The following RAB40C variants were observed in gnomAD, a reference collection of about 807,000 sequenced individuals.
RAB40C encodes RAB40C, member RAS oncogene family.
RAB40C carries 8 observed loss-of-function variants against 28.1 expected under a neutral mutation model. The ratio of observed to expected loss-of-function variants is 0.28; its 90% CI spans 0.17 to 0.51. RAB40C has a LOEUF of 0.51. RAB40C is among the 20% of genes least tolerant of loss of function. The pLI, the probability that RAB40C is intolerant of heterozygous loss-of-function variation, is 0.97. For missense variants in RAB40C, 288 were observed against 405.9 expected (o/e 0.71, Z 2.50); for synonymous variants, 201 against 171.7 (o/e 1.17, Z -1.34).
intron 1 of RAB40C, among the ~76,000 whole-genome samples, chr16:615,812 ATTAG>A (rs2036573978): frequency 6.6e-6 from 1 of 152,080 alleles, no homozygotes; most frequent in South Asian, 2.1e-4. Context: ...AATTATAAAA[ATTAG>A]CCGGCTGTGG....
At chr16:604,389 C>G (rs1289113285) in intron 1 of RAB40C, among the ~76,000 whole-genome samples, 2 of 152,066 alleles carry the variant, frequency 1.3e-5, no homozygotes, top group African/African-American at 4.8e-5. Flanking sequence ...CACGTGAATC[C>G]TTCTGAAGGT....
intron 1 of RAB40C, among the ~76,000 whole-genome samples, chr16:595,370 T>C (rs920438267): frequency 6.6e-6 from 1 of 152,196 alleles, no homozygotes; most frequent in Non-Finnish European, 1.5e-5. Context: ...GGAGCCGCCC[T>C]GCAGGCCTCC....
intron 1 of RAB40C, among the ~76,000 whole-genome samples, chr16:615,564 T>C (rs948440632): frequency 6.6e-6 from 1 of 152,232 alleles, no homozygotes; most frequent in African/African-American, 2.4e-5. Context: ...GCCCAGAGCC[T>C]GTTTAAGATG....
At chr16:604,491 CCTT>C (rs36060490) in intron 1 of RAB40C, among the ~76,000 whole-genome samples, 19,238 of 151,306 alleles carry the variant, frequency 0.13, 1,718 homozygotes, top group South Asian at 0.24. Flanking sequence ...ACACGTGAGT[CCTT>C]CTGAGGGTGT....
At chr16:598,712 G>A (rs1359285680) in intron 1 of RAB40C, among the ~76,000 whole-genome samples, 1 of 152,108 alleles carries the variant, frequency 6.6e-6, no homozygotes, top group Non-Finnish European at 1.5e-5. Context: ...CTACGTTCCA[G>A]CCTGGGTGAC....
intron 5 of RAB40C, 150 bp downstream of exon 5, chr16:626,271 TG>T: frequency 1.3e-6 from 1 of 756,396 alleles, no homozygotes; most frequent in East Asian, 2.7e-5. Flanking sequence ...GGCAGGTCAG[TG>T]ACTTGGTAAG....
At position 627,818 on chromosome 16, in the gene RAB40C, G is replaced by A. The variant is rs1243549749; in HGVS notation, c.*196G>A. On this transcript the variant is annotated 3_prime_UTR_variant, in exon 6 of 6. Transcript: ENST00000248139. ...AGCGCGGCAGGCGGGAGGAGGGGGC[G>A]CGGCTGGGCTGCTGGTGCTTCCGGG... The A allele has an allele frequency of 1.0e-5, 6 of 576,374 alleles. No individual in the cohort carries two copies. The highest frequency in any genetic ancestry group is 1.6e-5 in the Non-Finnish European group (6 of 366,732). The allele number at this position is 576,374 out of a possible 1,614,324, so 35.7% of individuals were successfully genotyped here. A position where few individuals can be genotyped will look rare whatever the true frequency, so the allele number is the denominator to read the frequency against.
At chr16:604,032 A>G (rs1817888610) in intron 1 of RAB40C, among the ~76,000 whole-genome samples, 1 of 151,318 alleles carries the variant, frequency 6.6e-6, no homozygotes, top group South Asian at 2.1e-4. Context: ...AATAATGCTG[A>G]TGTGAACGAG....
intron 3 of RAB40C, among the ~76,000 whole-genome samples, chr16:622,603 G>A (rs2036743206): frequency 6.6e-6 from 1 of 152,218 alleles, no homozygotes; most frequent in South Asian, 2.1e-4. Context: ...CGCCTCCCGG[G>A]TTCACGCCAT....
At chr16:592,042 G>A (rs1331564086) in intron 1 of RAB40C, among the ~76,000 whole-genome samples, 2 of 152,214 alleles carry the variant, frequency 1.3e-5, no homozygotes, top group East Asian at 3.8e-4. Context: ...TCTCATGGGG[G>A]CCTGGACCCA....
chr16:593,260 G>C lies in RAB40C; in HGVS notation c.142+2827G>C, dbSNP rs991258638. Among the ~76,000 whole-genome samples the C allele has an allele frequency of 3.9e-5, 6 of 152,244 alleles. No individual in the cohort carries two copies. In the South Asian group the frequency reaches 1.0e-3, roughly 26 times the overall value. On this transcript the variant is annotated intron_variant, in intron 1 of 5. Transcript: ENST00000248139. ...GGTGGATCTGAGGGTTTCCCAAGGG[G>C]GCTATTCAGGGTCTCAGAAGCTCAG...
intron 5 of RAB40C, among the ~76,000 whole-genome samples, chr16:626,666 G>C (rs1043642332): frequency 6.6e-6 from 1 of 152,166 alleles, no homozygotes; most frequent in South Asian, 2.1e-4. Context: ...GGCCTGGCAC[G>C]GTGGCTCACT....
chr16:627,621 A>G lies in RAB40C; in HGVS notation c.845A>G (p.Ter282TrpextTer102), dbSNP rs1400937522. Residue 282 changes from the stop codon to tryptophan (W), a stop_lost, in exon 6 of 6, where the codon TAG becomes TGG. Transcript: ENST00000248139. ...NCSRSNCKIS[*>W] The stretch of plus-strand genomic sequence containing the variant: ...TCGCGGAGTAACTGCAAGATCTCCT[A>G]GCGGGGATGGGCGGGGCCGCCTGTG... The G allele has an allele frequency of 6.3e-7, 1 of 1,574,920 alleles. No individual in the cohort carries two copies. The highest frequency in any genetic ancestry group is 1.7e-5 in the Admixed American group (1 of 57,340).
At chr16:626,719 C>A (rs890979365) in intron 5 of RAB40C, among the ~76,000 whole-genome samples, 1 of 152,198 alleles carries the variant, frequency 6.6e-6, no homozygotes, top group African/African-American at 2.4e-5. Flanking sequence ...AGGTGGATCA[C>A]CTGAGGTCAG....
At chr16:619,626 GC>G (rs1421141978) in intron 3 of RAB40C, among the ~76,000 whole-genome samples, 2 of 152,192 alleles carry the variant, frequency 1.3e-5, no homozygotes, top group African/African-American at 4.8e-5. Flanking sequence ...AGCCAGGAGA[GC>G]CCCTCCGGGG....
At position 590,248 on chromosome 16, in the gene RAB40C, G is replaced by A. The variant is rs1272922959; in HGVS notation, c.-44G>A. On this transcript the variant is annotated 5_prime_UTR_variant, in exon 1 of 6. Coordinates refer to ENST00000248139, the MANE Select transcript of RAB40C (RefSeq NM_021168.5). Reference sequence around the variant, plus strand: ...CTCTCACGCCGCGGCCTCACCCGGCGGTGCTTCGGCAGGCGGCCGGCGCGG... The same window carrying A: ...CTCTCACGCCGCGGCCTCACCCGGCAGTGCTTCGGCAGGCGGCCGGCGCGG... 2 of 1,388,706 alleles carry A rather than the reference G, an allele frequency of 1.4e-6. No homozygotes were observed. Among genetic ancestry groups the A allele is most frequent in the African/African-American group, 3.0e-5 (2 of 65,910 alleles). The allele number at this position is 1,388,706 out of a possible 1,614,324, so 86.0% of individuals were successfully genotyped here.
chr16:598,492 C>T (rs1300390059), intron 1 of RAB40C, among the ~76,000 whole-genome samples: 2 of 145,236 alleles, frequency 1.4e-5, no homozygotes, highest in African/African-American at 5.1e-5. Context: ...ACCTGGGTGG[C>T]GGAGGTTGCA....
chr16:601,815 T>TAAAAAAAAAAAA (rs60094426), intron 1 of RAB40C, among the ~76,000 whole-genome samples: 9 of 27,198 alleles, frequency 3.3e-4, no homozygotes, highest in Non-Finnish European at 5.7e-4. Context: ...CAAAAAAAAG[T>TAAAAAAAAAAAA]AAAAAAAAAA....
At chr16:598,754 TAAAG>T (rs566707855) in intron 1 of RAB40C, among the ~76,000 whole-genome samples, 43 of 151,358 alleles carry the variant, frequency 2.8e-4, no homozygotes, top group Admixed American at 5.9e-4. Context: ...AAATAAAAAA[TAAAG>T]AAAAGAGGAT....
Sources: allele counts gnomAD v4.1 joint callset (sites outside exome capture counted in the v4.1 genomes callset), GRCh38; gene constraint gnomAD v4.1.1; transcripts MANE v1.5; gene names NCBI Gene and HGNC (gene_info 2026-07-23, HGNC 2026-07-21).